Variants in CAMK2G observed in about 807,000 individuals in gnomAD.
The protein encoded by CAMK2G is calcium/calmodulin-dependent protein kinase type II subunit gamma.
A neutral mutation model predicts 88.7 loss-of-function variants in CAMK2G; 23 were observed. The observed-to-expected ratio is 0.26, with a 90% CI of 0.19 to 0.37. CAMK2G has a LOEUF of 0.37. Ranked by LOEUF, CAMK2G falls within the 10% of genes least tolerant of loss-of-function variation. The probability of loss-of-function intolerance (pLI) is 1.00; values close to 1 mark genes in which losing one functional copy is unlikely to be tolerated. For missense variants in CAMK2G, 476 were observed against 780.8 expected (o/e 0.61, Z 4.65); for synonymous variants, 263 against 294.8 (o/e 0.89, Z 1.11).
chr10:73,864,461 C>G (rs1414205792), intron 2 of CAMK2G, among the ~76,000 whole-genome samples: 2 of 152,140 alleles, frequency 1.3e-5, no homozygotes, highest in African/African-American at 4.8e-5. Flanking sequence ...AACTCAACAG[C>G]ACGTTAGATG....
chr10:73,873,666 C>G, intron 1 of CAMK2G: 1 of 318,562 alleles, frequency 3.1e-6, no homozygotes, highest in Non-Finnish European at 4.3e-6. Flanking sequence ...CCTTCCCATG[C>G]TATTTTCCTT....
intron 2 of CAMK2G, 120 bp downstream of exon 2, chr10:73,872,869 G>T: frequency 1.3e-6 from 1 of 763,608 alleles, no homozygotes; most frequent in South Asian, 1.4e-5. Flanking sequence ...CAACCAGTCT[G>T]AAATTCCAAC....
chr10:73,824,590 C>A (rs2090286194), intron 16 of CAMK2G, among the ~76,000 whole-genome samples: 1 of 152,244 alleles, frequency 6.6e-6, no homozygotes, highest in South Asian at 2.1e-4. Context: ...CCGCCTTCTG[C>A]CTTCCCTAGT....
intron 14 of CAMK2G, among the ~76,000 whole-genome samples, chr10:73,835,347 G>T (rs1234771652): frequency 6.6e-6 from 1 of 151,588 alleles, no homozygotes; most frequent in East Asian, 1.9e-4. Flanking sequence ...AGGCTGGAGA[G>T]TGCAGTGGCT....
At chr10:73,829,676 T>C (rs983052537) in intron 14 of CAMK2G, among the ~76,000 whole-genome samples, 9 of 110,938 alleles carry the variant, frequency 8.1e-5, no homozygotes, top group African/African-American at 3.6e-4. Flanking sequence ...GGAGTTCCCT[T>C]ATATTCATAT....
intron 2 of CAMK2G, among the ~76,000 whole-genome samples, chr10:73,863,340 T>C (rs986159870): frequency 1.3e-5 from 2 of 152,214 alleles, no homozygotes; most frequent in African/African-American, 4.8e-5. Context: ...CACAGGGATG[T>C]GGCCAGTGAC....
chr10:73,855,176 C>T (rs1175626751), intron 3 of CAMK2G, among the ~76,000 whole-genome samples: 1 of 152,188 alleles, frequency 6.6e-6, no homozygotes, highest in Non-Finnish European at 1.5e-5. Flanking sequence ...CTCTCGAAGT[C>T]CTGCCATTGC....
intron 5 of CAMK2G, among the ~76,000 whole-genome samples, chr10:73,851,755 G>GT (rs962867792): frequency 3.3e-5 from 5 of 149,278 alleles, no homozygotes; most frequent in African/African-American, 7.4e-5. Context: ...TTTTGTGGGG[G>GT]GGGGGAGGGG....
chr10:73,861,597 C>T (rs1040221521), intron 2 of CAMK2G, among the ~76,000 whole-genome samples: 31 of 152,104 alleles, frequency 2.0e-4, no homozygotes, highest in Non-Finnish European at 2.6e-4. Flanking sequence ...CTCAGGTGAT[C>T]CACCCGCCTC....
chr10:73,855,141 C>T (rs2094932674), intron 3 of CAMK2G, among the ~76,000 whole-genome samples: 1 of 152,168 alleles, frequency 6.6e-6, no homozygotes, highest in African/African-American at 2.4e-5. Flanking sequence ...AGCCTGGGCA[C>T]ACTCCATATA....
chr10:73,856,111 C>T (rs1011429488), intron 3 of CAMK2G, among the ~76,000 whole-genome samples: 1 of 152,166 alleles, frequency 6.6e-6, no homozygotes, highest in African/African-American at 2.4e-5. Flanking sequence ...ACAACTAACA[C>T]TTAGTTGAGC....
intron 18 of CAMK2G, among the ~76,000 whole-genome samples, chr10:73,820,488 A>AT (rs1285081250): frequency 0.091 from 4,186 of 46,078 alleles, 160 homozygotes; most frequent in Non-Finnish European, 0.12. Flanking sequence ...ATATATATAT[A>AT]TATATTTTTT....
At chr10:73,867,342 C>G (rs1380261473) in intron 2 of CAMK2G, among the ~76,000 whole-genome samples, 7 of 152,246 alleles carry the variant, frequency 4.6e-5, no homozygotes, top group Non-Finnish European at 1.0e-4. Context: ...AAGGCTCTGC[C>G]TGGGGGCACT....
chr10:73,841,322 G>A (rs1000089106), intron 12 of CAMK2G, among the ~76,000 whole-genome samples: 6 of 152,176 alleles, frequency 3.9e-5, no homozygotes, highest in African/African-American at 1.4e-4. Flanking sequence ...GAGAAGGGGG[G>A]GTCTTGAACC....
At chr10:73,871,805 A>T (rs898273708) in intron 2 of CAMK2G, among the ~76,000 whole-genome samples, 1 of 152,120 alleles carries the variant, frequency 6.6e-6, no homozygotes, top group Non-Finnish European at 1.5e-5. Flanking sequence ...GGATGGAGAG[A>T]GAGTCCCCAG....
At chr10:73,858,334 G>A (rs914304829) in intron 3 of CAMK2G, among the ~76,000 whole-genome samples, 3 of 152,232 alleles carry the variant, frequency 2.0e-5, no homozygotes, top group African/African-American at 7.2e-5. Flanking sequence ...AGAGCCAAAA[G>A]GGTCACAGTT....
chr10:73,844,047 TAG>T (rs1215469126), intron 10 of CAMK2G, among the ~76,000 whole-genome samples: 3 of 152,182 alleles, frequency 2.0e-5, no homozygotes, highest in Non-Finnish European at 4.4e-5. Context: ...TCCTCTGGAC[TAG>T]ATTCTTCTCT....
intron 1 of CAMK2G, among the ~76,000 whole-genome samples, chr10:73,873,870 G>A (rs2095958205): frequency 7.2e-6 from 1 of 139,280 alleles, no homozygotes; most frequent in Admixed American, 6.9e-5. Flanking sequence ...CCACTGCAGG[G>A]GTGGGGGGAG....
At chr10:73,823,967 T>C (rs1467497474) in intron 17 of CAMK2G, 73 bp downstream of exon 17, 4 of 1,187,820 alleles carry the variant, frequency 3.4e-6, no homozygotes, top group East Asian at 2.3e-5. Context: ...GTGCAGCCTG[T>C]AGACCCCTGG....
Sources: gnomAD v4.1 joint callset for allele counts (sites outside exome capture counted in the v4.1 genomes callset) on GRCh38, gnomAD v4.1.1 for gene constraint, MANE v1.5 for transcripts, NCBI Gene and HGNC (gene_info 2026-07-23, HGNC 2026-07-21) for gene names.